The following POLK variants were observed in gnomAD, a reference collection of about 807,000 sequenced individuals.
The protein encoded by POLK is DNA polymerase kappa, also known as polymerase (DNA directed) kappa.
In POLK, 76 loss-of-function variants were observed where a neutral mutation model predicts 94.0. That is an observed-to-expected ratio of 0.81 (90% CI 0.67 to 0.98). The LOEUF (loss-of-function observed/expected upper bound fraction) is 0.98. Ranked by LOEUF, POLK falls within the 50% of genes least tolerant of loss-of-function variation. POLK has a pLI of 0.00. For synonymous variants in POLK, 349 were observed against 325.4 expected (o/e 1.07, Z -0.78); for missense variants, 954 against 1,010.1 (o/e 0.94, Z 0.75).
chr5:75,539,595 C>T (rs763546464), intron 1 of POLK, among the ~76,000 whole-genome samples: 2 of 152,020 alleles, frequency 1.3e-5, no homozygotes, highest in Non-Finnish European at 2.9e-5. Context: ...TACTAGGCTT[C>T]AGAGATACTC....
chr5:75,512,381 T>C (rs1351848368), intron 1 of POLK: 1 of 152,244 alleles, frequency 6.6e-6, no homozygotes, highest in African/African-American at 2.4e-5. Context: ...TAAATGACGT[T>C]AGAAAGGTTT....
intron 1 of POLK, among the ~76,000 whole-genome samples, chr5:75,534,367 G>A (rs182988222): frequency 1.0e-3 from 153 of 151,938 alleles, no homozygotes; most frequent in African/African-American, 3.5e-3. Context: ...ATTGGGTTTC[G>A]ACTGTCTCCT....
chr5:75,605,907 G>A (rs907884606), downstream of POLK, among the ~76,000 whole-genome samples: 1 of 150,502 alleles, frequency 6.6e-6, no homozygotes. Context: ...AAAAGAAAAA[G>A]ACACAGAGAC....
rs745590146 is a variant in POLK, at chr5:75,587,030, GGA to G, written c.1237_1238del (p.Arg413GlufsTer6). 3.0e-5 allele frequency: 47 copies of G among 1,555,072 alleles called. No homozygotes were observed. The South Asian group carries it at 5.3e-4, about 17-fold the overall frequency. The stretch of plus-strand genomic sequence containing the variant: ...ACCTTTTTTTTTCATTTCAAGGGAT[GGA>G]GAGAGGAAAAGTATGAGCGTTGAGA... On this transcript the variant is annotated frameshift_variant, in exon 10 of 15. Transcript: ENST00000241436. LOFTEE classifies it high-confidence loss of function.
intron 3 of POLK, 113 bp downstream of exon 3, chr5:75,552,704 T>C (rs2112663095): frequency 9.2e-7 from 1 of 1,081,406 alleles, no homozygotes; most frequent in East Asian, 2.4e-5. Context: ...TTCATTATAT[T>C]GTAAAGCATA....
intron 2 of POLK, among the ~76,000 whole-genome samples, chr5:75,551,082 C>T (rs1770311674): frequency 6.6e-6 from 1 of 151,218 alleles, no homozygotes; most frequent in African/African-American, 2.4e-5. Context: ...ACCCTTACGC[C>T]GTACACAAAA....
At chr5:75,536,426 T>G (rs1769447444) in intron 1 of POLK, among the ~76,000 whole-genome samples, 1 of 152,150 alleles carries the variant, frequency 6.6e-6, no homozygotes. Flanking sequence ...GATTGGAAGT[T>G]CTCGTAGATG....
At chr5:75,580,273 AC>A (rs779710780) in intron 6 of POLK, among the ~76,000 whole-genome samples, 4 of 152,126 alleles carry the variant, frequency 2.6e-5, no homozygotes, top group Non-Finnish European at 5.9e-5. Context: ...TAATAAAATT[AC>A]GAGATGGGAT....
chr5:75,557,747 T>C (rs1023308191), intron 3 of POLK, among the ~76,000 whole-genome samples: 1 of 152,210 alleles, frequency 6.6e-6, no homozygotes, highest in African/African-American at 2.4e-5. Flanking sequence ...TGTTCCTAAG[T>C]ATTTCATTTT....
chr5:75,521,179 A>T (rs1269331680), intron 1 of POLK, among the ~76,000 whole-genome samples: 4 of 151,994 alleles, frequency 2.6e-5, no homozygotes, highest in Non-Finnish European at 5.9e-5. Context: ...TATTTTTTTG[A>T]ATAAACTTTC....
At chr5:75,597,043 G>A (rs754272745) in exon 13 of POLK, 15 of 1,613,436 alleles carry the variant, frequency 9.3e-6, no homozygotes, top group Middle Eastern at 1.6e-4. Flanking sequence ...TGTTTGTAAC[G>A]TAGAACAAAA....
At chr5:75,595,248 G>GAAAAAAAAAAAAA (rs58783164) in intron 12 of POLK, among the ~76,000 whole-genome samples, 332 of 24,880 alleles carry the variant, frequency 0.013, 49 homozygotes, top group Non-Finnish European at 0.019. Context: ...CTCCACCTCA[G>GAAAAAAAAAAAAA]AAAAAAAAAA....
downstream of POLK, chr5:75,601,148 C>T (rs1432604319): frequency 1.3e-5 from 2 of 152,028 alleles, no homozygotes; most frequent in Non-Finnish European, 1.5e-5. Flanking sequence ...GCAAAAACTG[C>T]TTTCGTTAAC....
intron 3 of POLK, among the ~76,000 whole-genome samples, chr5:75,556,868 C>G (rs1302580486): frequency 1.3e-5 from 2 of 152,082 alleles, no homozygotes; most frequent in African/African-American, 2.4e-5. Flanking sequence ...TCAGGACCAG[C>G]CTAGGCAACA....
At position 75,581,235 on chromosome 5, in the gene POLK, CTGAG is replaced by C. The variant is rs1772176655; in HGVS notation, c.726_729del (p.Glu243MetfsTer26). 6.2e-7 allele frequency: 1 copy of C among 1,604,640 alleles called. No individual in the cohort carries two copies. Among genetic ancestry groups the C allele is most frequent in the East Asian group, 2.2e-5 (1 of 44,818 alleles). On this transcript the variant is annotated frameshift_variant, in exon 7 of 15. Coordinates refer to ENST00000241436, the Ensembl canonical transcript of POLK. LOFTEE classifies it high-confidence loss of function. ...TAATCCAGGAAAGGAAGTTAATAAA[CTGAG>C]TGAGCATGAACGATCCATCTCTCCA...
At chr5:75,584,884 T>C (rs777493518) in exon 9 of POLK, 1 of 1,607,054 alleles carries the variant, frequency 6.2e-7, no homozygotes, top group South Asian at 1.1e-5. Flanking sequence ...TGGCATTATT[T>C]CCTTCATATC....
upstream of POLK, among the ~76,000 whole-genome samples, chr5:75,510,807 C>T (rs1380186941): frequency 1.3e-5 from 2 of 152,310 alleles, no homozygotes; most frequent in East Asian, 3.9e-4. Flanking sequence ...TGAAGCCCAA[C>T]CCGGATTCCT....
At position 75,522,198 on chromosome 5, in the gene POLK, C is replaced by T. The variant is rs531074043; in HGVS notation, c.-14+10284C>T. Among the ~76,000 whole-genome samples the T allele has an allele frequency of 2.6e-5, 4 of 152,336 alleles. No homozygotes were observed. The East Asian group carries it at 5.8e-4, about 22-fold the overall frequency. On this transcript the variant is annotated intron_variant, in intron 1 of 14. Coordinates refer to ENST00000241436, the Ensembl canonical transcript of POLK. ...GGAAACTGGTTGTCTACTTCAGTCT[C>T]ACTTTTTCCAGTTTAGACACTGTGA... is the stretch of plus-strand genomic sequence containing the variant.
At chr5:75,564,105 T>C (rs772695666) in intron 3 of POLK, among the ~76,000 whole-genome samples, 10 of 152,224 alleles carry the variant, frequency 6.6e-5, no homozygotes, top group Non-Finnish European at 1.3e-4. Flanking sequence ...ATGTTTAGGA[T>C]AGTTAGCTCT....
Sources: allele counts gnomAD v4.1 joint callset (sites outside exome capture counted in the v4.1 genomes callset), GRCh38; gene constraint gnomAD v4.1.1; transcripts MANE v1.5; gene names NCBI Gene and HGNC (gene_info 2026-07-23, HGNC 2026-07-21).